Variants in KCNQ5 observed in about 807,000 individuals in gnomAD.
KCNQ5 encodes potassium voltage-gated channel subfamily Q member 5.
In KCNQ5, 30 loss-of-function variants were observed where a neutral mutation model predicts 98.2. The ratio of observed to expected loss-of-function variants is 0.31; its 90% CI spans 0.23 to 0.41. The LOEUF (loss-of-function observed/expected upper bound fraction) is 0.41, where lower values mean the gene tolerates loss of function less well. Ranked by LOEUF, KCNQ5 falls within the 10% of genes least tolerant of loss-of-function variation. KCNQ5 has a pLI of 1.00. For missense variants in KCNQ5, 835 were observed against 1,182.5 expected, an observed-to-expected ratio of 0.71 and a Z score of 4.31; for synonymous variants, 458 against 449.4, an observed-to-expected ratio of 1.02 and a Z score of -0.24.
rs777476456 is a variant in KCNQ5 at position 72,622,475 on chromosome 6, T to C, written c.286T>C (p.Tyr96His). The change falls in exon 1 of 14, where the codon TAC (tyrosine) becomes CAC (histidine). Residue 96 changes from tyrosine (Y) to histidine (H), a missense_variant. Coordinates refer to ENST00000370398, the MANE Select transcript of KCNQ5 (RefSeq NM_019842.4). The surrounding 1 kb of genome is among the most constrained non-coding windows in gnomAD (Gnocchi z 6.0). ...GAGCCTGCTGGGGAAGCCGCTCTCT[T>C]ACACGAGTAGCCAGAGCTGCCGGCG... ...RMSLLGKPLS[Y>H]TSSQSCRRNV... 6.2e-7 allele frequency: 1 copy of C among 1,605,966 alleles called. No individual in the cohort carries two copies. The highest frequency in any genetic ancestry group is 8.5e-7 in the Non-Finnish European group (1 of 1,176,678).
At chr6:72,941,372 C>G (rs560779853) in intron 1 of KCNQ5, among the ~76,000 whole-genome samples, 5 of 29,792 alleles carry the variant, frequency 1.7e-4, no homozygotes, top group South Asian at 7.2e-3. Flanking sequence ...TTCCTTCCTT[C>G]TTTCCTCCTT....
rs553690265 is a variant in KCNQ5 at position 72,829,923 on chromosome 6, G to C, written c.399-173985G>C. Among the ~76,000 whole-genome samples the C allele has an allele frequency of 2.6e-5, 4 of 152,164 alleles. No homozygotes were observed. In the East Asian group the frequency reaches 5.8e-4, roughly 22 times the overall value. ...TTAGATTTCTGTATTGATAGGTAAA[G>C]AGAGCCACACCAATAACAGACAAAC... On this transcript the variant is annotated intron_variant, in intron 1 of 13. Transcript: ENST00000370398.
At chr6:72,860,569 TAGTC>T (rs1333301346) in intron 1 of KCNQ5, among the ~76,000 whole-genome samples, 1 of 152,206 alleles carries the variant, frequency 6.6e-6, no homozygotes, top group Non-Finnish European at 1.5e-5. Context: ...ACCAAAAAAT[TAGTC>T]AGCACAGTGT....
intron 1 of KCNQ5, among the ~76,000 whole-genome samples, chr6:72,658,038 A>G (rs1398144554): frequency 6.6e-6 from 1 of 152,224 alleles, no homozygotes; most frequent in African/African-American, 2.4e-5. Flanking sequence ...TCTGCAGGCC[A>G]GGAAGTATGA....
chr6:72,822,895 C>T (rs554256382), intron 1 of KCNQ5, among the ~76,000 whole-genome samples: 13 of 152,286 alleles, frequency 8.5e-5, no homozygotes, highest in African/African-American at 3.1e-4. Flanking sequence ...CACAAACCAC[C>T]TGTATTCCTT....
intron 11 of KCNQ5, among the ~76,000 whole-genome samples, chr6:73,187,485 T>A (rs776353669): frequency 1.3e-5 from 2 of 152,240 alleles, no homozygotes; most frequent in Admixed American, 6.5e-5. Context: ...CAATTTTCAC[T>A]ATTTAATTCT....
At chr6:72,942,794 T>C (rs1766369477) in intron 1 of KCNQ5, among the ~76,000 whole-genome samples, 1 of 152,230 alleles carries the variant, frequency 6.6e-6, no homozygotes, top group Non-Finnish European at 1.5e-5. Context: ...AAAAAGTTTC[T>C]CACTTTGACC....
chr6:73,034,562 T>C (rs1017999613), intron 2 of KCNQ5, among the ~76,000 whole-genome samples: 16 of 152,212 alleles, frequency 1.1e-4, no homozygotes, highest in Non-Finnish European at 2.4e-4. Flanking sequence ...AGAAAACAAC[T>C]GGTACATGAG....
At chr6:73,156,752 A>G (rs1482305437) in intron 10 of KCNQ5, among the ~76,000 whole-genome samples, 1 of 152,242 alleles carries the variant, frequency 6.6e-6, no homozygotes, top group East Asian at 1.9e-4. Context: ...CAGAGTACAA[A>G]AATACTTTTC....
chr6:73,003,814 A>G (rs535039518), intron 1 of KCNQ5, 94 bp from the exon 2 acceptor site: 46 of 787,602 alleles, frequency 5.8e-5, no homozygotes, highest in Non-Finnish European at 5.3e-5. Context: ...TGCTAATTTA[A>G]TGGGCCTGGT....
Position 72,622,927 on chromosome 6 carries a change from G to A in KCNQ5, c.398+340G>A, listed in dbSNP as rs2098916174. ...GATACGTAAACTTCAACCGAACGGGGCGCCCGGGAGCTAGGGAATGCAAAG... is the reference window on the plus strand; with the variant it reads ...GATACGTAAACTTCAACCGAACGGGACGCCCGGGAGCTAGGGAATGCAAAG... On this transcript the variant is annotated intron_variant, in intron 1 of 13. Transcript: ENST00000370398. The surrounding 1 kb of genome is among the most constrained non-coding windows in gnomAD (Gnocchi z 6.0). 6.6e-6 allele frequency among the ~76,000 whole-genome samples: 1 copy of A among 152,300 alleles called. No individual in the cohort carries two copies. The highest frequency in any genetic ancestry group is 1.5e-5 in the Non-Finnish European group (1 of 68,028).
At chr6:72,748,970 G>A (rs1055345940) in intron 1 of KCNQ5, among the ~76,000 whole-genome samples, 14 of 152,166 alleles carry the variant, frequency 9.2e-5, no homozygotes, top group African/African-American at 2.7e-4. Context: ...CTGGTTTTAT[G>A]AGAAACAGAT....
At chr6:72,836,365 A>G (rs1776500593) in intron 1 of KCNQ5, among the ~76,000 whole-genome samples, 1 of 152,202 alleles carries the variant, frequency 6.6e-6, no homozygotes. Flanking sequence ...TCAGATAAGT[A>G]TCTAAAATTT....
intron 1 of KCNQ5, among the ~76,000 whole-genome samples, chr6:72,854,758 T>TGTGTGTG (rs1777451483): frequency 7.9e-6 from 1 of 127,108 alleles, no homozygotes; most frequent in Non-Finnish European, 1.7e-5. Context: ...ACACCATGGT[T>TGTGTGTG]TGTGTGTGTG....
At chr6:72,819,470 T>G (rs556800290) in intron 1 of KCNQ5, among the ~76,000 whole-genome samples, 2 of 152,052 alleles carry the variant, frequency 1.3e-5, no homozygotes, top group South Asian at 4.1e-4. Flanking sequence ...ATTTCATAAT[T>G]TAAAGCCCTT....
At chr6:73,158,456 G>T (rs1233749540) in intron 10 of KCNQ5, among the ~76,000 whole-genome samples, 1 of 151,840 alleles carries the variant, frequency 6.6e-6, no homozygotes, top group African/African-American at 2.4e-5. Flanking sequence ...TAGTAGAGAC[G>T]GGGTTTCACC....
intron 2 of KCNQ5, among the ~76,000 whole-genome samples, chr6:73,036,295 C>A (rs554843835): frequency 2.3e-4 from 34 of 145,892 alleles, no homozygotes; most frequent in South Asian, 1.3e-3. Context: ...CTGAGGCAGG[C>A]GAATGGCATT....
At chr6:73,162,881 A>C (rs1777666308) in intron 10 of KCNQ5, among the ~76,000 whole-genome samples, 1 of 152,082 alleles carries the variant, frequency 6.6e-6, no homozygotes, top group Non-Finnish European at 1.5e-5. Flanking sequence ...AAAGCTGTGC[A>C]CTGAAGTTCA....
chr6:72,667,344 A>G (rs1766874677), intron 1 of KCNQ5, among the ~76,000 whole-genome samples: 1 of 152,180 alleles, frequency 6.6e-6, no homozygotes, highest in Admixed American at 6.5e-5. Flanking sequence ...TTGATCACTC[A>G]GATTCGTATC....
Sources: gnomAD v4.1 joint callset for allele counts (sites outside exome capture counted in the v4.1 genomes callset) on GRCh38, gnomAD v4.1.1 for gene constraint, Gnocchi (gnomAD v3.1) non-coding constraint, MANE v1.5 for transcripts, NCBI Gene and HGNC (gene_info 2026-07-23, HGNC 2026-07-21) for gene names.